Variants in TRAPPC3L observed in about 807,000 individuals in gnomAD.
TRAPPC3L encodes the protein trafficking protein particle complex subunit 3L, also known as trafficking protein particle complex subunit 3-like protein.
TRAPPC3L carries 23 observed loss-of-function variants against 23.7 expected under a neutral mutation model. The ratio of observed to expected loss-of-function variants is 0.97; its 90% CI spans 0.70 to 1.37. The LOEUF (loss-of-function observed/expected upper bound fraction) is 1.37, where lower values mean the gene tolerates loss of function less well. Among genes scored for constraint, TRAPPC3L ranks in the 40% most tolerant of loss-of-function variants. TRAPPC3L has a pLI of 0.00. For missense variants in TRAPPC3L, 212 were observed against 216.8 expected (o/e 0.98, Z 0.14); for synonymous variants, 81 against 77.9 (o/e 1.04, Z -0.21).
In TRAPPC3L at chr6:116,500,602, T is replaced by G. The variant is rs956272155; in HGVS notation, c.305A>C (p.Glu102Ala). Residue 102 changes from glutamate (E) to alanine (A), a missense_variant, in exon 4 of 5, where the codon GAA (glutamate) becomes GCA (alanine). By Grantham distance (107) the Glu-to-Ala change is moderately radical (BLOSUM62 -1). Coordinates refer to ENST00000368602, the MANE Select transcript of TRAPPC3L (RefSeq NM_001139444.3). ...ATTCTTCTCTAGAATCAGGGAAAATTCATTTTTGCTTGAATTGTTACAGGT... is the reference window on the plus strand; with the variant it reads ...ATTCTTCTCTAGAATCAGGGAAAATGCATTTTTGCTTGAATTGTTACAGGT... ...SVTCNNSSKN[E>A]FSLILEKNPL... 1.3e-6 allele frequency: 2 copies of G among 1,551,528 alleles called. No homozygotes were observed. The highest frequency in any genetic ancestry group is 1.7e-6 in the Non-Finnish European group (2 of 1,146,982).
chr6:116,520,488 T>C (rs1562342362), intron 3 of TRAPPC3L: 1 of 152,102 alleles, frequency 6.6e-6, no homozygotes, highest in Non-Finnish European at 1.5e-5. Context: ...AGCTAAGAGG[T>C]TGGCATGAGA....
rs571208638 is a variant in TRAPPC3L, at chr6:116,506,018, G to A, written c.241-5352C>T. 6.6e-5 allele frequency among the ~76,000 whole-genome samples: 10 copies of A among 152,208 alleles called. No homozygotes were observed. The South Asian group carries it at 1.2e-3, about 19-fold the overall frequency. On this transcript the variant is annotated intron_variant, in intron 3 of 4. Coordinates refer to ENST00000368602, the MANE Select transcript of TRAPPC3L (RefSeq NM_001139444.3). ...GCAACAAAAGCCAAAATAAACAAAC[G>A]GGATCTAATTAAACTAAAGAGCTTC... is the stretch of plus-strand genomic sequence containing the variant.
chr6:116,503,283 A>G (rs891488006), intron 3 of TRAPPC3L, among the ~76,000 whole-genome samples: 6 of 152,122 alleles, frequency 3.9e-5, no homozygotes, highest in Non-Finnish European at 7.4e-5. Context: ...AAAGAAGGCC[A>G]TTACATAATG....
At chr6:116,530,902 CATATATATATATATAT>C (rs10557481) in intron 3 of TRAPPC3L, among the ~76,000 whole-genome samples, 55 of 76,486 alleles carry the variant, frequency 7.2e-4, no homozygotes, top group East Asian at 6.7e-3. Context: ...AAGTGAGACT[CATATATATATATATAT>C]ATATATATAT....
intron 4 of TRAPPC3L, among the ~76,000 whole-genome samples, chr6:116,498,234 C>T (rs771172980): frequency 2.3e-4 from 35 of 152,192 alleles, no homozygotes; most frequent in African/African-American, 8.0e-4. Context: ...GAGTGGAAGA[C>T]ATTCTTATCC....
intron 3 of TRAPPC3L, among the ~76,000 whole-genome samples, chr6:116,533,922 A>G (rs1226774757): frequency 6.6e-6 from 1 of 152,166 alleles, no homozygotes; most frequent in Non-Finnish European, 1.5e-5. Context: ...TCCTGATTGC[A>G]AGGTTTAGCC....
chr6:116,506,917 C>G (rs1288768270), intron 3 of TRAPPC3L, among the ~76,000 whole-genome samples: 1 of 151,990 alleles, frequency 6.6e-6, no homozygotes, highest in African/African-American at 2.4e-5. Context: ...ATGTAAATGT[C>G]GAGGTGATTG....
chr6:116,541,199 C>A (rs1773431064), intron 2 of TRAPPC3L, among the ~76,000 whole-genome samples: 1 of 152,058 alleles, frequency 6.6e-6, no homozygotes, highest in Non-Finnish European at 1.5e-5. Flanking sequence ...GCTGAGCACA[C>A]ACTTTCAACA....
At chr6:116,506,985 C>T (rs1382226322) in intron 3 of TRAPPC3L, among the ~76,000 whole-genome samples, 1 of 151,990 alleles carries the variant, frequency 6.6e-6, no homozygotes, top group Admixed American at 6.6e-5. Context: ...ACGTTGTGCA[C>T]ATGTACCCTA....
chr6:116,534,725 C>T (rs1772965950), intron 3 of TRAPPC3L, among the ~76,000 whole-genome samples: 1 of 152,102 alleles, frequency 6.6e-6, no homozygotes, highest in South Asian at 2.1e-4. Context: ...TTTTTTATTA[C>T]TCATCCCCCA....
chr6:116,517,548 T>G (rs773631832), intron 3 of TRAPPC3L: 1 of 152,172 alleles, frequency 6.6e-6, no homozygotes, highest in Non-Finnish European at 1.5e-5. Flanking sequence ...CTTATTAACA[T>G]GAAACATGAT....
chr6:116,509,502 A>G (rs955520445), intron 3 of TRAPPC3L, among the ~76,000 whole-genome samples: 1 of 152,244 alleles, frequency 6.6e-6, no homozygotes, highest in Non-Finnish European at 1.5e-5. Context: ...GTAGATACAT[A>G]GACCAATGGA....
Position 116,500,524 on chromosome 6 carries a change from T to C in TRAPPC3L, c.383A>G (p.Tyr128Cys). 1 of 1,551,652 alleles carries C rather than the reference T, an allele frequency of 6.4e-7. No homozygotes were observed. Among genetic ancestry groups the C allele is most frequent in the African/African-American group, 1.4e-5 (1 of 73,160 alleles). Reference protein sequence around the residue: ...ELPAGRSSLCYCNLLCGIIRG... With the variant: ...ELPAGRSSLCCCNLLCGIIRG... ...GATAATCCCACAGAGCAAGTTGCAGTAGCACAGAGAAGATCGCCCAGCAGG... is the reference window on the plus strand; with the variant it reads ...GATAATCCCACAGAGCAAGTTGCAGCAGCACAGAGAAGATCGCCCAGCAGG... The change falls in exon 4 of 5, where the codon TAC becomes TGC. Residue 128 changes from tyrosine (Y) to cysteine (C), a missense_variant. Physicochemically the swap from Tyr to Cys is radical, Grantham distance 194. Transcript: ENST00000368602.
At chr6:116,511,893 G>A in intron 3 of TRAPPC3L, 1 of 1,614,034 alleles carries the variant, frequency 6.2e-7, no homozygotes, top group South Asian at 1.1e-5. Flanking sequence ...CTGATCCTGG[G>A]ATTCTTTCTG....
At chr6:116,524,158 T>C (rs1772400638) in intron 3 of TRAPPC3L, 1 of 107,376 alleles carries the variant, frequency 9.3e-6, no homozygotes, top group Non-Finnish European at 1.9e-5. Flanking sequence ...GAAGTTTCTT[T>C]AAAATACTCT....
chr6:116,511,543 C>T, intron 3 of TRAPPC3L: 1 of 683,304 alleles, frequency 1.5e-6, no homozygotes, highest in Non-Finnish European at 2.4e-6. Flanking sequence ...GAGAAATATT[C>T]ATTCCTAAGG....
At chr6:116,530,943 A>G (rs527892212) in intron 3 of TRAPPC3L, among the ~76,000 whole-genome samples, 5 of 126,122 alleles carry the variant, frequency 4.0e-5, no homozygotes, top group Admixed American at 3.3e-4. Flanking sequence ...ATATATATAT[A>G]TGTTACTAAT....
At position 116,508,674 on chromosome 6, in the gene TRAPPC3L, T is replaced by C. The variant is rs552264546; in HGVS notation, c.241-8008A>G. 2.6e-5 allele frequency among the ~76,000 whole-genome samples: 4 copies of C among 152,174 alleles called. No homozygotes were observed. The South Asian group carries it at 8.3e-4, about 32-fold the overall frequency. ...AACTTTCCCATGTAAAATGCACATA[T>C]CCCAAATCCTAAAATTTGATCTCTA... On this transcript the variant is annotated intron_variant, in intron 3 of 4. Coordinates refer to ENST00000368602, the MANE Select transcript of TRAPPC3L (RefSeq NM_001139444.3).
rs76814612 is a variant in TRAPPC3L, at chr6:116,544,304, A to G, written c.43-904T>C. The stretch of plus-strand genomic sequence containing the variant: ...TTGTGTCCCTTTATAATTAAGGCCA[A>G]ACTGAAATAGTGGAATTTCTTCTCT... On this transcript the variant is annotated intron_variant, in intron 1 of 4. Transcript: ENST00000368602. 2.2e-3 allele frequency among the ~76,000 whole-genome samples: 339 copies of G among 152,210 alleles called. 1 individual carries two copies. The highest frequency in any genetic ancestry group is 4.3e-3 in the Non-Finnish European group (293 of 67,956).
Sources: allele counts gnomAD v4.1 joint callset (sites outside exome capture counted in the v4.1 genomes callset), GRCh38; gene constraint gnomAD v4.1.1; transcripts MANE v1.5; gene names NCBI Gene and HGNC (gene_info 2026-07-23, HGNC 2026-07-21).